The following DOCK2 variants were observed in gnomAD, a reference collection of about 807,000 sequenced individuals.
DOCK2 encodes the protein dedicator of cytokinesis 2.
A neutral mutation model predicts 248.9 loss-of-function variants in DOCK2; 87 were observed. That is an observed-to-expected ratio of 0.35 (90% CI 0.29 to 0.42). The LOEUF is 0.42. Among genes scored for constraint, DOCK2 ranks in the 10% least tolerant of loss-of-function variants. The pLI is 1.00. For missense variants in DOCK2, 1,747 were observed against 2,300.2 expected, an observed-to-expected ratio of 0.76 and a Z score of 4.92; for synonymous variants, 805 against 821.6, an observed-to-expected ratio of 0.98 and a Z score of 0.35.
chr5:169,828,795 G>A (rs1337227821), intron 26 of DOCK2, among the ~76,000 whole-genome samples: 4 of 152,140 alleles, frequency 2.6e-5, no homozygotes, highest in Admixed American at 2.6e-4. Flanking sequence ...CAACAGTTAC[G>A]TGACATCTCC....
intron 22 of DOCK2, among the ~76,000 whole-genome samples, chr5:169,722,761 T>C (rs942773862): frequency 2.0e-5 from 3 of 152,214 alleles, no homozygotes; most frequent in Middle Eastern, 3.2e-3. Flanking sequence ...GCAAGGGTGC[T>C]TTTTTCAAAA....
intron 26 of DOCK2, among the ~76,000 whole-genome samples, chr5:169,816,886 A>G (rs930931349): frequency 6.6e-6 from 1 of 152,186 alleles, no homozygotes; most frequent in Non-Finnish European, 1.5e-5. Context: ...ATTATTGACT[A>G]TAGTCACCCT....
chr5:169,847,772 A>T (rs1262693757), intron 27 of DOCK2, among the ~76,000 whole-genome samples: 2 of 152,200 alleles, frequency 1.3e-5, no homozygotes, highest in South Asian at 4.1e-4. Flanking sequence ...CAGAAGCTAC[A>T]CATTGGCTCA....
intron 26 of DOCK2, among the ~76,000 whole-genome samples, chr5:169,833,879 G>A (rs563782389): frequency 6.6e-6 from 1 of 152,306 alleles, no homozygotes; most frequent in East Asian, 1.9e-4. Flanking sequence ...TATTGATATT[G>A]GCATCTCTCC....
rs111783131 is a variant in DOCK2 at position 169,891,377 on chromosome 5, C to A, written c.2799+50525C>A. Reference sequence around the variant, plus strand: ...GTTGAATGAATGAATAGAGTAAATTCTTATAGTTAGAGGCTTCAAGGAATC... The same window carrying A: ...GTTGAATGAATGAATAGAGTAAATTATTATAGTTAGAGGCTTCAAGGAATC... On this transcript the variant is annotated intron_variant, in intron 27 of 51. Transcript: ENST00000520908. 4.6e-4 allele frequency among the ~76,000 whole-genome samples: 70 copies of A among 152,234 alleles called. 1 individual carries two copies. The highest frequency in any genetic ancestry group is 1.2e-3 in the African/African-American group (49 of 41,548).
At chr5:169,933,423 G>T (rs1016735535) in intron 27 of DOCK2, among the ~76,000 whole-genome samples, 1 of 152,252 alleles carries the variant, frequency 6.6e-6, no homozygotes, top group African/African-American at 2.4e-5. Flanking sequence ...CAAAGATTGA[G>T]AGTGGCTGCT....
chr5:169,990,247 C>T (rs867860243), intron 29 of DOCK2, among the ~76,000 whole-genome samples: 3 of 152,050 alleles, frequency 2.0e-5, no homozygotes, highest in South Asian at 2.1e-4. Context: ...TACAGGTGCA[C>T]GCCACCATGC....
chr5:170,030,064 T>C (rs1756075169), intron 34 of DOCK2, among the ~76,000 whole-genome samples: 1 of 152,172 alleles, frequency 6.6e-6, no homozygotes. Flanking sequence ...TCTGGCTGAG[T>C]CAGTGTTTAT....
In DOCK2 at chr5:170,082,840, G is replaced by A. The variant is rs114098294; in HGVS notation, c.5475G>A (p.Ser1825=). 1.5e-3 allele frequency: 2,460 copies of A among 1,614,170 alleles called. 19 individuals carry two copies. In the African/African-American group the frequency reaches 0.019, roughly 13 times the overall value. Residue 1825 remains serine, a synonymous_variant, in exon 52 of 52, where the codon TCG becomes TCA. Transcript: ENST00000520908. ...AAGAAGGCAAACAGATCCCAGACTC[G>A]CTGTCCACGGACCTGTGAGCTGCTG... ...SAEEGKQIPD[S]LSTDL
intron 1 of DOCK2, among the ~76,000 whole-genome samples, chr5:169,647,684 G>A (rs368366164): frequency 2.0e-4 from 30 of 152,086 alleles, no homozygotes; most frequent in East Asian, 1.7e-3. Flanking sequence ...CTTCCCTGCT[G>A]TCACACCCTC....
At chr5:169,938,720 A>G (rs917230232) in intron 27 of DOCK2, among the ~76,000 whole-genome samples, 17 of 152,258 alleles carry the variant, frequency 1.1e-4, no homozygotes, top group African/African-American at 3.6e-4. Flanking sequence ...CATTTATTAA[A>G]AATATTTTTT....
At chr5:169,965,376 C>T (rs1053300051) in intron 27 of DOCK2, among the ~76,000 whole-genome samples, 1 of 152,196 alleles carries the variant, frequency 6.6e-6, no homozygotes, top group Admixed American at 6.5e-5. Context: ...GATAGACACT[C>T]CTTTGCATTA....
At chr5:169,756,990 G>A (rs1398824499) in intron 23 of DOCK2, among the ~76,000 whole-genome samples, 1 of 152,012 alleles carries the variant, frequency 6.6e-6, no homozygotes, top group Non-Finnish European at 1.5e-5. Flanking sequence ...TCAGTATATG[G>A]TATCCCTTTA....
chr5:170,036,692 T>C (rs749763084), intron 36 of DOCK2, 137 bp downstream of exon 36: 254 of 794,326 alleles, frequency 3.2e-4, no homozygotes, highest in Non-Finnish European at 4.4e-4. Context: ...TTCTGATTCC[T>C]GTCAATTTCT....
At chr5:169,911,677 G>A (rs1774606973) in intron 27 of DOCK2, among the ~76,000 whole-genome samples, 1 of 152,154 alleles carries the variant, frequency 6.6e-6, no homozygotes, top group Admixed American at 6.5e-5. Flanking sequence ...CAATATTAAA[G>A]TTTCCTATAA....
intron 42 of DOCK2, 50 bp downstream of exon 42, chr5:170,055,436 G>A: frequency 6.4e-7 from 1 of 1,565,832 alleles, no homozygotes; most frequent in Non-Finnish European, 8.8e-7. Flanking sequence ...GAACCCATTG[G>A]GGCCACCAAA....
intron 27 of DOCK2, among the ~76,000 whole-genome samples, chr5:169,938,620 CAGTG>C (rs771077062): frequency 1.3e-5 from 2 of 152,326 alleles, no homozygotes; most frequent in Admixed American, 1.3e-4. Flanking sequence ...CTGAGTGAAT[CAGTG>C]AGTAAGTGGT....
chr5:169,724,959 A>G (rs1581099688), intron 22 of DOCK2, among the ~76,000 whole-genome samples: 1 of 152,190 alleles, frequency 6.6e-6, no homozygotes. Flanking sequence ...GAGGGAGCAC[A>G]TAAGCCTCTG....
At chr5:169,732,391 C>T (rs80170618) in intron 22 of DOCK2, among the ~76,000 whole-genome samples, 3,266 of 152,268 alleles carry the variant, frequency 0.021, 52 homozygotes, top group Middle Eastern at 0.041. Context: ...AATGCATCCA[C>T]GCCCGTTGCT....
Sources: allele counts gnomAD v4.1 joint callset (sites outside exome capture counted in the v4.1 genomes callset), GRCh38; gene constraint gnomAD v4.1.1; transcripts MANE v1.5; gene names NCBI Gene and HGNC (gene_info 2026-07-23, HGNC 2026-07-21).